CSE1L: variants seen among roughly 807,000 people sequenced by gnomAD.
CSE1L encodes the protein chromosome segregation 1 like.
CSE1L carries 24 observed loss-of-function variants against 120.4 expected under a neutral mutation model. The ratio of observed to expected loss-of-function variants is 0.20; its 90% CI spans 0.14 to 0.28. The LOEUF is 0.28. CSE1L is among the 10% of genes least tolerant of loss of function. The pLI is 1.00. For missense variants in CSE1L, 830 were observed against 1,145.2 expected (o/e 0.72, Z 3.97); for synonymous variants, 402 against 398.3 (o/e 1.01, Z -0.11).
chr20:49,054,254 G>A (rs1382362084), intron 1 of CSE1L, among the ~76,000 whole-genome samples: 1 of 152,228 alleles, frequency 6.6e-6, no homozygotes, highest in South Asian at 2.1e-4. Context: ...GGGAAGGACT[G>A]CAGCATGTAG....
intron 19 of CSE1L, among the ~76,000 whole-genome samples, chr20:49,090,051 G>C (rs1446176693): frequency 1.3e-5 from 2 of 152,010 alleles, no homozygotes; most frequent in African/African-American, 4.8e-5. Flanking sequence ...CTTGAGCCCA[G>C]GAGTTTAAGG....
chr20:49,062,877 G>A (rs1377072684), intron 2 of CSE1L, among the ~76,000 whole-genome samples: 1 of 151,766 alleles, frequency 6.6e-6, no homozygotes, highest in Non-Finnish European at 1.5e-5. Context: ...AATAAGACCT[G>A]GGTATATGAA....
At chr20:49,096,036 G>T in intron 24 of CSE1L, 1 of 460,190 alleles carries the variant, frequency 2.2e-6, no homozygotes. Flanking sequence ...TTTATTCTCT[G>T]TATTGAGCAA....
Position 49,089,840 on chromosome 20 carries a change from T to A in CSE1L, c.2181+94T>A, listed in dbSNP as rs1160419495. 5.7e-6 allele frequency: 7 copies of A among 1,235,348 alleles called. No homozygotes were observed. In the Admixed American group the frequency reaches 1.5e-4, roughly 27 times the overall value. 76.5% of individuals were successfully genotyped at this position (1,235,348 alleles called of 1,614,324 possible). A position where few individuals can be genotyped will look rare whatever the true frequency, so the allele number is the denominator to read the frequency against. On this transcript the variant is annotated intron_variant, in intron 19 of 24. Transcript: ENST00000262982. ...TGAAATTTTTTTATTTAAAATAAAT[T>A]TAAGGCTGGGGGCAGTGGCTCAAGC...
At chr20:49,091,136 T>G in intron 21 of CSE1L, 114 bp downstream of exon 21, 1 of 795,404 alleles carries the variant, frequency 1.3e-6, no homozygotes, top group South Asian at 1.7e-5. Flanking sequence ...ATGCAAAAAA[T>G]ACTTGGCCAC....
intron 23 of CSE1L, 115 bp from the exon 24 acceptor site, chr20:49,094,616 TC>T: frequency 1.4e-6 from 1 of 696,880 alleles, no homozygotes; most frequent in Non-Finnish European, 2.4e-6. Flanking sequence ...ATTTCAAAGG[TC>T]CCCTTTTATT....
intron 13 of CSE1L, among the ~76,000 whole-genome samples, 170 bp downstream of exon 13, chr20:49,077,234 A>G (rs912569154): frequency 7.1e-6 from 1 of 140,870 alleles, no homozygotes. Flanking sequence ...GTCTCTGCTC[A>G]CTGCAACTCC....
rs111872809 is a variant in CSE1L, at chr20:49,059,879, C to CA, written c.85+1342dup. Among the ~76,000 whole-genome samples the CA allele has an allele frequency of 3.4e-3, 484 of 141,246 alleles. 4 individuals are homozygous for CA. The highest frequency in any genetic ancestry group is 3.7e-3 in the Middle Eastern group (1 of 268). The allele number at this position is 141,246 out of a possible 152,430, so 92.7% of individuals were successfully genotyped here. Reference sequence around the variant, plus strand: ...TGGGTGACAGAGCGAGACGTAGTCCCAAAAAAAAAAATATTTTGAAACACA... The same window carrying CA: ...TGGGTGACAGAGCGAGACGTAGTCCCAAAAAAAAAAAATATTTTGAAACACA... On this transcript the variant is annotated intron_variant, in intron 2 of 24. Transcript: ENST00000262982.
intron 10 of CSE1L, among the ~76,000 whole-genome samples, chr20:49,073,761 C>T (rs1355965129): frequency 2.0e-5 from 3 of 152,150 alleles, no homozygotes; most frequent in African/African-American, 7.2e-5. Context: ...GCTGGGATTA[C>T]AGGCATGAGC....
chr20:49,074,950 G>A (rs1485782305), intron 11 of CSE1L, 100 bp downstream of exon 11: 2 of 836,440 alleles, frequency 2.4e-6, no homozygotes, highest in African/African-American at 3.4e-5. Context: ...GAATAAGAGT[G>A]TTTTTTCAGC....
Position 49,075,630 on chromosome 20 carries a change from A to G in CSE1L, c.1335+110A>G. 2.2e-5 allele frequency: 18 copies of G among 835,772 alleles called. No homozygotes were observed. In the South Asian group the frequency reaches 3.1e-4, roughly 14 times the overall value. The allele number at this position is 835,772 out of a possible 1,614,324, so 51.8% of individuals were successfully genotyped here. A position where few individuals can be genotyped will look rare whatever the true frequency, so the allele number is the denominator to read the frequency against. On this transcript the variant is annotated intron_variant, in intron 12 of 24. Transcript: ENST00000262982. Reference sequence around the variant, plus strand: ...TAGAGCTTACTCTGCCAGATAACCTATTCTGATTAAGATTTATATAATCTC... The same window carrying G: ...TAGAGCTTACTCTGCCAGATAACCTGTTCTGATTAAGATTTATATAATCTC...
intron 6 of CSE1L, among the ~76,000 whole-genome samples, chr20:49,067,801 TTA>T (rs2091904452): frequency 6.6e-6 from 1 of 151,876 alleles, no homozygotes; most frequent in South Asian, 2.1e-4. Flanking sequence ...TGGGGCATGA[TTA>T]TAGCTCACTG....
chr20:49,080,293 A>G (rs575783942), intron 14 of CSE1L, among the ~76,000 whole-genome samples: 1 of 142,004 alleles, frequency 7.0e-6, no homozygotes, highest in African/African-American at 2.6e-5. Context: ...TGCTCACTGC[A>G]AGCTCAGCCT....
chr20:49,092,093 G>A lies in CSE1L; in HGVS notation c.2413G>A (p.Ala805Thr). The part of the protein sequence containing the change: ...NLYCIKYGAL[A>T]LQEIFDGIQP... ...GTATTGCATAAAATATGGGGCACTA[G>A]CACTACAAGAAATATTTGATGGTAT... Residue 805 changes from alanine (A) to threonine (T), a missense_variant, in exon 22 of 25, where the codon GCA becomes ACA. This residue lies in a region of CSE1L where 112 missense variants were observed against 200.0 expected (regional missense o/e 0.56). Coordinates refer to ENST00000262982, the MANE Select transcript of CSE1L (RefSeq NM_001316.4). 6.3e-7 allele frequency: 1 copy of A among 1,576,246 alleles called. No individual in the cohort carries two copies. Among genetic ancestry groups the A allele is most frequent in the Non-Finnish European group, 8.7e-7 (1 of 1,153,694 alleles).
intron 3 of CSE1L, among the ~76,000 whole-genome samples, chr20:49,065,586 A>ATTTTTTTTTTTTTTTT (rs1169151375): frequency 3.9e-5 from 3 of 76,354 alleles, no homozygotes; most frequent in Non-Finnish European, 4.7e-5. Context: ...TAAAATGGAA[A>ATTTTTTTTTTTTTTTT]TTTTTTTTTT....
intron 2 of CSE1L, among the ~76,000 whole-genome samples, chr20:49,062,243 T>G (rs893683681): frequency 1.9e-4 from 29 of 152,190 alleles, no homozygotes; most frequent in Admixed American, 1.4e-3. Flanking sequence ...ATCTTCATCC[T>G]TCAAGAAAGA....
chr20:49,092,419 A>G (rs140281526), intron 22 of CSE1L, among the ~76,000 whole-genome samples: 180 of 151,992 alleles, frequency 1.2e-3, no homozygotes, highest in African/African-American at 4.2e-3. Flanking sequence ...AAAAGAAAAA[A>G]CACCCTGGAA....
At position 49,070,318 on chromosome 20, in the gene CSE1L, C is replaced by G; in HGVS notation, c.768+21C>G. ...CTGATGTAAGTATTTAAAATGTTGC[C>G]TGAGTGGTCTTTTTCTTTCATTAAG... On this transcript the variant is annotated intron_variant, in intron 8 of 24. Transcript: ENST00000262982. 3.5e-6 allele frequency: 4 copies of G among 1,131,416 alleles called. 1 individual carries two copies. In the South Asian group the frequency reaches 5.6e-5, roughly 16 times the overall value. The allele number at this position is 1,131,416 out of a possible 1,614,324, so 70.1% of individuals were successfully genotyped here.
At chr20:49,073,872 A>G (rs1174249208) in intron 10 of CSE1L, among the ~76,000 whole-genome samples, 2 of 152,276 alleles carry the variant, frequency 1.3e-5, no homozygotes, top group Non-Finnish European at 2.9e-5. Flanking sequence ...AGGACAATAT[A>G]GCGTGAGATT....
Sources: gnomAD v4.1 joint callset for allele counts (sites outside exome capture counted in the v4.1 genomes callset) on GRCh38, gnomAD v4.1.1 for gene constraint, gnomAD v4.1.1 regional missense constraint, MANE v1.5 for transcripts, NCBI Gene and HGNC (gene_info 2026-07-23, HGNC 2026-07-21) for gene names.